NACC2: variants seen among roughly 807,000 people sequenced by gnomAD.
NACC2 encodes the protein nucleus accumbens-associated protein 2.
NACC2 carries 8 observed loss-of-function variants against 25.1 expected under a neutral mutation model. The ratio of observed to expected loss-of-function variants is 0.32; its 90% CI spans 0.19 to 0.57. NACC2 has a LOEUF of 0.57. Among genes scored for constraint, NACC2 ranks in the 20% least tolerant of loss-of-function variants. The pLI, the probability that NACC2 is intolerant of heterozygous loss-of-function variation, is 0.89. For missense variants in NACC2, 644 were observed against 650.2 expected (o/e 0.99, Z 0.10); for synonymous variants, 435 against 294.7 (o/e 1.48, Z -4.88).
At chr9:136,054,786 T>C (rs1840900013) in intron 1 of NACC2, among the ~76,000 whole-genome samples, 1 of 152,124 alleles carries the variant, frequency 6.6e-6, no homozygotes. Context: ...TTATGGAAAG[T>C]TCTGCAGAGC....
chr9:136,074,467 A>AAATTAGCCAGGC (rs1588580722), intron 1 of NACC2, among the ~76,000 whole-genome samples: 1 of 144,766 alleles, frequency 6.9e-6, no homozygotes, highest in Non-Finnish European at 1.5e-5. Flanking sequence ...AAAAAAAGAA[A>AAATTAGCCAGGC]AAAGAAGAAA....
At chr9:136,047,301 G>A (rs952431123) in intron 2 of NACC2, among the ~76,000 whole-genome samples, 6 of 152,064 alleles carry the variant, frequency 3.9e-5, no homozygotes, top group African/African-American at 1.4e-4. Flanking sequence ...CCATGGCACC[G>A]CCAACCCAGC....
At chr9:136,091,364 C>A (rs1830432412) in intron 1 of NACC2, among the ~76,000 whole-genome samples, 1 of 152,166 alleles carries the variant, frequency 6.6e-6, no homozygotes, top group Non-Finnish European at 1.5e-5. Context: ...CTGGGCTGGG[C>A]GTTCTCCCAG....
chr9:136,088,079 G>A (rs1372815440), intron 1 of NACC2, among the ~76,000 whole-genome samples: 1 of 152,234 alleles, frequency 6.6e-6, no homozygotes, highest in Non-Finnish European at 1.5e-5. Flanking sequence ...CATGCACGGA[G>A]GTCAGCAGTA....
rs1302150191 is a variant in NACC2, at chr9:136,084,679, G to T, written c.-60+10510C>A. Among the ~76,000 whole-genome samples the T allele has an allele frequency of 1.3e-5, 2 of 152,248 alleles. No homozygotes were observed. The highest frequency in any genetic ancestry group is 2.9e-5 in the Non-Finnish European group (2 of 68,048). On this transcript the variant is annotated intron_variant, in intron 1 of 5. Coordinates refer to ENST00000277554, the MANE Select transcript of NACC2 (RefSeq NM_144653.5). The surrounding 1 kb of genome is among the most constrained non-coding windows in gnomAD (Gnocchi z 5.1). ...GCACCAGACAGCCAAGAGGCAAGTG[G>T]CCCCAGGGTCCGCCAATGGGTGACA...
chr9:136,093,988 G>C (rs1035654044), intron 1 of NACC2, among the ~76,000 whole-genome samples: 3 of 152,244 alleles, frequency 2.0e-5, no homozygotes, highest in African/African-American at 2.4e-5. Context: ...GTGAGAAGAA[G>C]GGGCGACCTG....
chr9:136,077,612 A>T (rs1043118823), intron 1 of NACC2, among the ~76,000 whole-genome samples: 1 of 152,050 alleles, frequency 6.6e-6, no homozygotes, highest in African/African-American at 2.4e-5. Flanking sequence ...CAGAGGAGGG[A>T]GGGGCAAGAG....
chr9:136,073,321 T>G (rs773895511), intron 1 of NACC2, among the ~76,000 whole-genome samples: 2 of 151,910 alleles, frequency 1.3e-5, no homozygotes, highest in Non-Finnish European at 2.9e-5. Flanking sequence ...TCCCAGCTAC[T>G]TGGGAGACTG....
chr9:136,052,869 G>A (rs1588573046), intron 1 of NACC2, among the ~76,000 whole-genome samples: 1 of 152,360 alleles, frequency 6.6e-6, no homozygotes, highest in East Asian at 1.9e-4. Flanking sequence ...TGCTGTGCAG[G>A]ACTTGTGGTG....
rs73668070 is a variant in NACC2 at position 136,087,653 on chromosome 9, C to T, written c.-60+7536G>A. 5.3e-3 allele frequency among the ~76,000 whole-genome samples: 802 copies of T among 152,342 alleles called. 6 individuals carry two copies. Among genetic ancestry groups the T allele is most frequent in the African/African-American group, 0.014 (574 of 41,580 alleles). The stretch of plus-strand genomic sequence containing the variant: ...AGGATACGGTACCCCATTCGGAGCT[C>T]ACAGCGGGAAAACTGAGACCCAGGG... On this transcript the variant is annotated intron_variant, in intron 1 of 5. Transcript: ENST00000277554.
intron 1 of NACC2, among the ~76,000 whole-genome samples, chr9:136,077,325 G>C (rs1038843207): frequency 1.3e-5 from 2 of 152,098 alleles, no homozygotes; most frequent in Non-Finnish European, 2.9e-5. Context: ...GCAAGACTCC[G>C]TCTCAAAAAA....
chr9:136,094,533 C>G (rs920545352), intron 1 of NACC2, among the ~76,000 whole-genome samples: 12 of 152,092 alleles, frequency 7.9e-5, no homozygotes, highest in African/African-American at 2.9e-4. Flanking sequence ...TGGGGCCCCC[C>G]GACCTCAGCT....
At chr9:136,078,560 C>T (rs985063143) in intron 1 of NACC2, among the ~76,000 whole-genome samples, 15 of 152,306 alleles carry the variant, frequency 9.8e-5, no homozygotes, top group Admixed American at 9.2e-4. Context: ...GCCCTGGAAC[C>T]GTACCTGGAT....
chr9:136,089,206 C>T (rs1830410348), intron 1 of NACC2, among the ~76,000 whole-genome samples: 1 of 152,098 alleles, frequency 6.6e-6, no homozygotes, highest in Non-Finnish European at 1.5e-5. Context: ...GAGCCTCCCC[C>T]TGCCAGGGGA....
At chr9:136,037,652 C>A (rs1423812127) in intron 2 of NACC2, among the ~76,000 whole-genome samples, 1 of 151,960 alleles carries the variant, frequency 6.6e-6, no homozygotes, top group African/African-American at 2.4e-5. Context: ...GGATTACAGG[C>A]ACCCGCCACC....
At chr9:136,031,557 C>T (rs1422065796) in intron 2 of NACC2, among the ~76,000 whole-genome samples, 6 of 152,180 alleles carry the variant, frequency 3.9e-5, no homozygotes, top group East Asian at 1.9e-4. Flanking sequence ...AGGCTGGTCT[C>T]GAACTCCTGA....
chr9:136,010,925 C>T lies in NACC2; in HGVS notation c.*591G>A, dbSNP rs903705515. 4 of 152,440 alleles carry T rather than the reference C, an allele frequency of 2.6e-5. No homozygotes were observed. Among genetic ancestry groups the T allele is most frequent in the African/African-American group, 9.7e-5 (4 of 41,448 alleles). The allele number at this position is 152,440 out of a possible 1,614,324, so 9.4% of individuals were successfully genotyped here. On this transcript the variant is annotated 3_prime_UTR_variant, in exon 6 of 6. Coordinates refer to ENST00000277554, the MANE Select transcript of NACC2 (RefSeq NM_144653.5). This position sits in a 1 kb window ranked among gnomAD's most constrained non-coding sequence, Gnocchi z 4.9. Reference sequence around the variant, plus strand: ...CAGCCATCACTGCCCCCTCACCACACCCCTGCACACACACGCACACACACA... The same window carrying T: ...CAGCCATCACTGCCCCCTCACCACATCCCTGCACACACACGCACACACACA...
chr9:136,056,954 C>A (rs1840933453), intron 1 of NACC2, among the ~76,000 whole-genome samples: 1 of 152,252 alleles, frequency 6.6e-6, no homozygotes, highest in Non-Finnish European at 1.5e-5. Flanking sequence ...CGTGGGCAGG[C>A]CCACAGATAG....
chr9:136,082,714 C>A (rs1830336614), intron 1 of NACC2, among the ~76,000 whole-genome samples: 1 of 152,232 alleles, frequency 6.6e-6, no homozygotes, highest in South Asian at 2.1e-4. Context: ...GGGGCGCAGC[C>A]CTCAATCCAG....
Sources: gnomAD v4.1 joint callset for allele counts (sites outside exome capture counted in the v4.1 genomes callset) on GRCh38, gnomAD v4.1.1 for gene constraint, Gnocchi (gnomAD v3.1) non-coding constraint, MANE v1.5 for transcripts, NCBI Gene and HGNC (gene_info 2026-07-23, HGNC 2026-07-21) for gene names.